The following PCNX1 variants were observed in gnomAD, a reference collection of about 807,000 sequenced individuals.
The protein encoded by PCNX1 is pecanex-like protein 1.
In PCNX1, 78 loss-of-function variants were observed where a neutral mutation model predicts 242.2. The ratio of observed to expected loss-of-function variants is 0.32; its 90% confidence interval spans 0.27 to 0.39. The LOEUF is 0.39. PCNX1 is among the 10% of genes least tolerant of loss of function. The pLI, the probability that PCNX1 is intolerant of heterozygous loss-of-function variation, is 1.00. For missense variants in PCNX1, 2,581 were observed against 2,856.5 expected (o/e 0.90, Z 2.20); for synonymous variants, 1,024 against 1,032.9 (o/e 0.99, Z 0.17).
chr14:70,998,498 C>T (rs572530659), intron 8 of PCNX1, among the ~76,000 whole-genome samples: 3 of 151,724 alleles, frequency 2.0e-5, no homozygotes, highest in Admixed American at 1.3e-4. Context: ...TGCCTGTACT[C>T]CCAGTACTTT....
At chr14:71,004,500 T>C (rs1030972018) in intron 8 of PCNX1, among the ~76,000 whole-genome samples, 35 of 152,340 alleles carry the variant, frequency 2.3e-4, no homozygotes, top group Admixed American at 2.3e-3. Flanking sequence ...CCACTCCTTA[T>C]GAGAATCCAA....
At chr14:70,942,337 T>A (rs1171411436) in intron 1 of PCNX1, among the ~76,000 whole-genome samples, 1 of 152,258 alleles carries the variant, frequency 6.6e-6, no homozygotes, top group Non-Finnish European at 1.5e-5. Flanking sequence ...AATAAAGACC[T>A]TATCAAATTG....
chr14:71,073,773 A>C lies in PCNX1; in HGVS notation c.5081A>C (p.Lys1694Thr), dbSNP rs1262504557. 1 of 1,609,788 alleles carries C rather than the reference A, an allele frequency of 6.2e-7. No homozygotes were observed. The highest frequency in any genetic ancestry group is 8.5e-7 in the Non-Finnish European group (1 of 1,176,688). Reference sequence around the variant, plus strand: ...ATGCTTCAAGTCTTTGATCTTCGGAAAGTACTCACCACTTACTATGTCAAG... The same window carrying C: ...ATGCTTCAAGTCTTTGATCTTCGGACAGTACTCACCACTTACTATGTCAAG... ...ASMLQVFDLRKVLTTYYVKGI... is the reference protein window; with the variant it reads ...ASMLQVFDLRTVLTTYYVKGI... Residue 1694 changes from lysine (K) to threonine (T), a missense_variant, in exon 27 of 36, where the codon AAA (lysine) becomes ACA (threonine). This residue lies in a region of PCNX1 where 298 missense variants were observed against 480.1 expected (regional missense o/e 0.62). Transcript: ENST00000304743.
intron 26 of PCNX1, among the ~76,000 whole-genome samples, chr14:71,067,645 T>C (rs2061482161): frequency 6.6e-6 from 1 of 152,188 alleles, no homozygotes; most frequent in African/African-American, 2.4e-5. Context: ...TGTCTTCTGC[T>C]ACCTTTTGAA....
Position 70,977,887 on chromosome 14 carries a change from A to G in PCNX1, c.1550A>G (p.Lys517Arg). The G allele has an allele frequency of 6.2e-7, 1 of 1,614,184 alleles. No individual in the cohort carries two copies. The highest frequency in any genetic ancestry group is 1.1e-5 in the South Asian group (1 of 91,086). ...AACACTGCAGAAAACAAAGAAGAGA[A>G]GAGTGATAAGTCAGCTGTTTCTGTG... is the stretch of plus-strand genomic sequence containing the variant. ...PGNTAENKEE[K>R]SDKSAVSVDS... The change falls in exon 6 of 36, where the codon AAG (lysine) becomes AGG (arginine). Residue 517 changes from lysine (K) to arginine (R), a missense_variant. Lys to Arg is a conservative substitution (Grantham distance 26). Around this residue, in one of 9 missense-constraint regions of PCNX1, gnomAD observed 1,204 missense variants for 1,216.7 expected, o/e 0.99. Transcript: ENST00000304743.
intron 30 of PCNX1, among the ~76,000 whole-genome samples, chr14:71,090,769 A>G (rs1286683140): frequency 6.6e-6 from 1 of 152,184 alleles, no homozygotes; most frequent in Non-Finnish European, 1.5e-5. Context: ...GCTTCTGACA[A>G]ACTTCTTCAA....
In PCNX1 at chr14:71,042,427, T is replaced by G. The variant is rs1413883786; in HGVS notation, c.3868-2706T>G. 2.0e-5 allele frequency among the ~76,000 whole-genome samples: 3 copies of G among 152,104 alleles called. No homozygotes were observed. The East Asian group carries it at 5.8e-4, about 29-fold the overall frequency. On this transcript the variant is annotated intron_variant, in intron 19 of 35. Transcript: ENST00000304743. ...CTTTATTATTATATAACGACCTTCT[T>G]TGTCTCTTTTCATGTCTTTTGACTT... is the stretch of plus-strand genomic sequence containing the variant.
intron 28 of PCNX1, among the ~76,000 whole-genome samples, chr14:71,083,294 T>G (rs1056537279): frequency 2.0e-5 from 3 of 152,228 alleles, no homozygotes; most frequent in Admixed American, 6.5e-5. Context: ...ATTTTTTCCT[T>G]CATTTCAACC....
intron 28 of PCNX1, among the ~76,000 whole-genome samples, chr14:71,077,979 G>A (rs1209463486): frequency 6.6e-6 from 1 of 152,102 alleles, no homozygotes; most frequent in Admixed American, 6.6e-5. Flanking sequence ...CTACCTTAAG[G>A]ACCTTTCTCT....
intron 26 of PCNX1, among the ~76,000 whole-genome samples, chr14:71,070,066 A>G (rs2061552050): frequency 6.6e-6 from 1 of 152,228 alleles, no homozygotes. Flanking sequence ...AAGGCTCACA[A>G]CATCTTCACT....
At position 70,907,840 on chromosome 14, in the gene PCNX1, G is replaced by A. The variant is rs751877529; in HGVS notation, c.-11G>A. On this transcript the variant is annotated 5_prime_UTR_variant, in exon 1 of 36. Coordinates refer to ENST00000304743, the MANE Select transcript of PCNX1 (RefSeq NM_014982.3). ...CGGCGGCGGCGGCGACGGCGGCGGC[G>A]CCGGGTGGGGATGGGGTCGCAGACG... 4 of 1,290,190 alleles carry A rather than the reference G, an allele frequency of 3.1e-6. No individual in the cohort carries two copies. The highest frequency in any genetic ancestry group is 3.9e-6 in the Non-Finnish European group (4 of 1,016,054). 79.9% of individuals were successfully genotyped at this position (1,290,190 alleles called of 1,614,324 possible).
chr14:71,060,246 T>G (rs558669336), intron 26 of PCNX1, among the ~76,000 whole-genome samples: 1 of 152,256 alleles, frequency 6.6e-6, no homozygotes, highest in East Asian at 1.9e-4. Flanking sequence ...TAAACAAAAC[T>G]ATGCTACTGG....
chr14:70,990,225 A>G (rs1208453046), intron 7 of PCNX1, among the ~76,000 whole-genome samples: 1 of 152,076 alleles, frequency 6.6e-6, no homozygotes, highest in African/African-American at 2.4e-5. Flanking sequence ...CAGTTCACAA[A>G]TTGTTCATTG....
At chr14:70,929,579 T>G (rs991838723) in intron 1 of PCNX1, among the ~76,000 whole-genome samples, 1 of 152,138 alleles carries the variant, frequency 6.6e-6, no homozygotes, top group Non-Finnish European at 1.5e-5. Context: ...TTAACACTTG[T>G]TGGATTAAGT....
intron 18 of PCNX1, among the ~76,000 whole-genome samples, chr14:71,034,437 T>C (rs963135500): frequency 2.6e-5 from 4 of 152,194 alleles, no homozygotes; most frequent in South Asian, 2.1e-4. Context: ...ATTAGTCTTT[T>C]AGGTTGTTTT....
chr14:70,949,300 CACAT>C (rs567893934), intron 2 of PCNX1, among the ~76,000 whole-genome samples: 29 of 140,990 alleles, frequency 2.1e-4, no homozygotes, highest in East Asian at 1.4e-3. Context: ...CGTGTGTACA[CACAT>C]ATGTGTGTAG....
Position 71,103,567 on chromosome 14 carries a change from T to C in PCNX1, c.5993T>C (p.Leu1998Pro), listed in dbSNP as rs1254551404. ...PIGYPIFVSP[L>P]TTSYSDSHEQ... is the part of the protein sequence containing the mutation. ...GGCTACCCAATCTTTGTCTCACCCC[T>C]GACAACTTCTTACTCTGACAGCCAC... The change falls in exon 32 of 36, where the codon CTG becomes CCG. Residue 1998 changes from leucine (L) to proline (P), a missense_variant. Around this residue, in one of 9 missense-constraint regions of PCNX1, gnomAD observed 432 missense variants for 433.6 expected, o/e 1.00. Transcript: ENST00000304743. The C allele has an allele frequency of 6.2e-7, 1 of 1,614,042 alleles. No individual in the cohort carries two copies. Among genetic ancestry groups the C allele is most frequent in the Admixed American group, 1.7e-5 (1 of 59,996 alleles).
intron 1 of PCNX1, among the ~76,000 whole-genome samples, chr14:70,910,243 T>G: frequency 4.5e-5 from 1 of 22,260 alleles, no homozygotes; most frequent in African/African-American, 1.8e-4. Context: ...ACCAGCACCA[T>G]CATCATCACG....
intron 15 of PCNX1, 144 bp downstream of exon 15, chr14:71,027,026 G>C (rs2060260328): frequency 2.1e-6 from 1 of 472,948 alleles, no homozygotes; most frequent in African/African-American, 2.0e-5. Flanking sequence ...ATTGAAGACT[G>C]AGAAGCAATT....
Sources: gnomAD v4.1 joint callset for allele counts (sites outside exome capture counted in the v4.1 genomes callset) on GRCh38, gnomAD v4.1.1 for gene constraint, gnomAD v4.1.1 regional missense constraint, MANE v1.5 for transcripts, NCBI Gene and HGNC (gene_info 2026-07-23, HGNC 2026-07-21) for gene names.